The following KCND3 variants were observed in gnomAD, a reference collection of about 807,000 sequenced individuals.
KCND3 encodes potassium voltage-gated channel subfamily D member 3.
A neutral mutation model predicts 51.1 loss-of-function variants in KCND3; 9 were observed. The observed-to-expected ratio is 0.18, with a 90% CI of 0.11 to 0.31. The LOEUF (loss-of-function observed/expected upper bound fraction) is 0.31. Ranked by LOEUF, KCND3 falls within the 10% of genes least tolerant of loss-of-function variation. The pLI is 1.00. For missense variants in KCND3, 526 were observed against 903.8 expected, an observed-to-expected ratio of 0.58 and a Z score of 5.36; for synonymous variants, 349 against 368.0, an observed-to-expected ratio of 0.95 and a Z score of 0.59.
intron 2 of KCND3, among the ~76,000 whole-genome samples, chr1:111,968,574 C>A (rs1233031435): frequency 6.6e-6 from 1 of 152,144 alleles, no homozygotes; most frequent in African/African-American, 2.4e-5. Context: ...CCTGTTACAC[C>A]CAGGGGTGAC....
chr1:111,912,862 A>G (rs892432554), intron 2 of KCND3, among the ~76,000 whole-genome samples: 1 of 152,252 alleles, frequency 6.6e-6, no homozygotes, highest in Admixed American at 6.5e-5. Context: ...GGAAGAGTCA[A>G]AAAGTTACAA....
At chr1:111,804,940 G>A (rs762894391) in intron 2 of KCND3, among the ~76,000 whole-genome samples, 19 of 152,082 alleles carry the variant, frequency 1.2e-4, no homozygotes, top group Non-Finnish European at 2.5e-4. Context: ...CACAGGAGGC[G>A]CCACCGCCTT....
At chr1:111,819,329 C>T (rs1044291072) in intron 2 of KCND3, among the ~76,000 whole-genome samples, 4 of 150,888 alleles carry the variant, frequency 2.7e-5, no homozygotes, top group Non-Finnish European at 2.9e-5. Flanking sequence ...TGAAGAACCA[C>T]GGAGAAGAAA....
chr1:111,883,397 C>T (rs2101743888), intron 2 of KCND3, among the ~76,000 whole-genome samples: 1 of 152,386 alleles, frequency 6.6e-6, no homozygotes, highest in Non-Finnish European at 1.5e-5. Context: ...CAGCTCTTAT[C>T]TCACCCGTCT....
chr1:111,774,847 G>A lies in KCND3; in HGVS notation c.*1230C>T, dbSNP rs1028733258. On this transcript the variant is annotated 3_prime_UTR_variant, in exon 8 of 8. Coordinates refer to ENST00000302127, the MANE Select transcript of KCND3 (RefSeq NM_001378969.1). ...GGCCTCTTGGAAGGGCTCTGGATGG[G>A]CTTTATGGTGGGTCTTGAAGGAAGG... The A allele has an allele frequency of 6.6e-6, 1 of 152,214 alleles. No homozygotes were observed. The highest frequency in any genetic ancestry group is 1.9e-4 in the East Asian group (1 of 5,194). 9.4% of individuals were successfully genotyped at this position (152,214 alleles called of 1,614,324 possible). A position where few individuals can be genotyped will look rare whatever the true frequency, so the allele number is the denominator to read the frequency against.
Position 111,772,155 on chromosome 1 carries a change from A to G in KCND3, c.*3922T>C, listed in dbSNP as rs112921708. The G allele has an allele frequency of 1.3e-4, 20 of 152,300 alleles. No homozygotes were observed. Among genetic ancestry groups the G allele is most frequent in the African/African-American group, 4.8e-4 (20 of 41,558 alleles). The allele number at this position is 152,300 out of a possible 1,614,324, so 9.4% of individuals were successfully genotyped here. On this transcript the variant is annotated 3_prime_UTR_variant, in exon 8 of 8. Coordinates refer to ENST00000302127, the MANE Select transcript of KCND3 (RefSeq NM_001378969.1). Reference sequence around the variant, plus strand: ...CCACATGTTTTCCCCTCTCTGAATCAAGGATTTAGCTACTTTACCTACTAC... The same window carrying G: ...CCACATGTTTTCCCCTCTCTGAATCGAGGATTTAGCTACTTTACCTACTAC...
At chr1:111,809,689 A>C (rs2798335) in intron 2 of KCND3, among the ~76,000 whole-genome samples, 13 of 152,002 alleles carry the variant, frequency 8.6e-5, no homozygotes, top group African/African-American at 3.1e-4. Context: ...GTGTGTGTGC[A>C]CGCCTGCAAA....
intron 2 of KCND3, among the ~76,000 whole-genome samples, chr1:111,810,716 G>A (rs1320615101): frequency 2.6e-5 from 4 of 152,230 alleles, no homozygotes; most frequent in Admixed American, 2.0e-4. Flanking sequence ...GTTTCAGGCT[G>A]TCAGCTCGAG....
chr1:111,944,096 G>A (rs1165520434), intron 2 of KCND3, among the ~76,000 whole-genome samples: 1 of 152,166 alleles, frequency 6.6e-6, no homozygotes, highest in Non-Finnish European at 1.5e-5. Flanking sequence ...TAAAAGAGGA[G>A]GGGAAAACTA....
intron 2 of KCND3, among the ~76,000 whole-genome samples, chr1:111,954,785 C>T (rs1004928453): frequency 6.6e-6 from 1 of 152,260 alleles, no homozygotes; most frequent in Non-Finnish European, 1.5e-5. Context: ...TCTTTCTCCT[C>T]TGGGACTCTA....
intron 2 of KCND3, among the ~76,000 whole-genome samples, chr1:111,857,074 AG>A (rs1557981523): frequency 6.6e-6 from 1 of 152,146 alleles, no homozygotes; most frequent in African/African-American, 2.4e-5. Flanking sequence ...GCCTCCACCC[AG>A]TTCCTGGACA....
At chr1:111,846,184 G>A (rs1432998552) in intron 2 of KCND3, among the ~76,000 whole-genome samples, 2 of 152,162 alleles carry the variant, frequency 1.3e-5, no homozygotes, top group Non-Finnish European at 2.9e-5. Context: ...GTCAATAAGT[G>A]TAAACCAGGA....
At chr1:111,889,913 A>C (rs1669750833) in intron 2 of KCND3, among the ~76,000 whole-genome samples, 1 of 152,126 alleles carries the variant, frequency 6.6e-6, no homozygotes, top group Non-Finnish European at 1.5e-5. Flanking sequence ...GAGATGTGTG[A>C]ATTTCAGGCA....
At chr1:111,929,246 C>A (rs982754347) in intron 2 of KCND3, among the ~76,000 whole-genome samples, 1 of 152,124 alleles carries the variant, frequency 6.6e-6, no homozygotes, top group East Asian at 1.9e-4. Flanking sequence ...CTGCATTCTG[C>A]CCCCCACAAC....
At chr1:111,831,905 T>C (rs1666849220) in intron 2 of KCND3, among the ~76,000 whole-genome samples, 1 of 152,250 alleles carries the variant, frequency 6.6e-6, no homozygotes. Flanking sequence ...TGACAGACTA[T>C]AATCTCCCAG....
chr1:111,790,142 C>A (rs1435677666), intron 2 of KCND3, among the ~76,000 whole-genome samples: 1 of 152,168 alleles, frequency 6.6e-6, no homozygotes, highest in Non-Finnish European at 1.5e-5. Flanking sequence ...GCAGCATGGC[C>A]TAATAATTAA....
At chr1:111,788,706 G>T (rs1664709928) in intron 2 of KCND3, among the ~76,000 whole-genome samples, 1 of 152,140 alleles carries the variant, frequency 6.6e-6, no homozygotes, top group Non-Finnish European at 1.5e-5. Context: ...CTCAGGAGAG[G>T]CCTCCAGGGA....
intron 2 of KCND3, among the ~76,000 whole-genome samples, chr1:111,930,687 T>G (rs1448689393): frequency 1.3e-5 from 2 of 151,268 alleles, no homozygotes; most frequent in Non-Finnish European, 2.9e-5. Context: ...GCATCTTGGC[T>G]TAACCCTGTG....
At chr1:111,860,833 T>C (rs1009719357) in intron 2 of KCND3, among the ~76,000 whole-genome samples, 2 of 152,162 alleles carry the variant, frequency 1.3e-5, no homozygotes, top group African/African-American at 4.8e-5. Flanking sequence ...CTAATGTGGG[T>C]TCTTCCATCC....
Sources: allele counts gnomAD v4.1 joint callset (sites outside exome capture counted in the v4.1 genomes callset), GRCh38; gene constraint gnomAD v4.1.1; transcripts MANE v1.5; gene names NCBI Gene and HGNC (gene_info 2026-07-23, HGNC 2026-07-21).